SASH1: variants seen among roughly 807,000 people sequenced by gnomAD.
The protein encoded by SASH1 is SAM and SH3 domain-containing protein 1.
Under a neutral mutation model 125.2 loss-of-function variants are expected in SASH1, and 44 were observed. The ratio of observed to expected loss-of-function variants is 0.35; its 90% CI spans 0.28 to 0.45. SASH1 has a LOEUF of 0.45. Ranked by LOEUF, SASH1 falls within the 20% of genes least tolerant of loss-of-function variation. The pLI, the probability that SASH1 is intolerant of heterozygous loss-of-function variation, is 1.00. For synonymous variants in SASH1, 639 were observed against 649.1 expected, an observed-to-expected ratio of 0.98 and a Z score of 0.24; for missense variants, 1,426 against 1,614.5, an observed-to-expected ratio of 0.88 and a Z score of 2.00.
At chr6:148,499,002 T>G (rs542144057) in intron 8 of SASH1, among the ~76,000 whole-genome samples, 1 of 152,218 alleles carries the variant, frequency 6.6e-6, no homozygotes, top group Admixed American at 6.5e-5. Flanking sequence ...TTCACTTGTT[T>G]TGAGTCCATT....
At chr6:148,392,143 G>A (rs985913345) in intron 2 of SASH1, among the ~76,000 whole-genome samples, 2 of 152,048 alleles carry the variant, frequency 1.3e-5, no homozygotes, top group Admixed American at 6.6e-5. Context: ...AAAATTAGCC[G>A]GGCGTGGTGG....
At chr6:148,438,890 A>G (rs1171193406) in intron 2 of SASH1, among the ~76,000 whole-genome samples, 1 of 152,208 alleles carries the variant, frequency 6.6e-6, no homozygotes, top group Non-Finnish European at 1.5e-5. Flanking sequence ...CCTGCATGAA[A>G]GTGCATTCAT....
At chr6:148,267,954 A>G (rs978912392), upstream of SASH1, among the ~76,000 whole-genome samples, 1 of 152,204 alleles carries the variant, frequency 6.6e-6, no homozygotes, top group Non-Finnish European at 1.5e-5. Flanking sequence ...CCCTTGAATC[A>G]TCTCAAAACC....
chr6:148,513,544 G>C, intron 8 of SASH1: 3 of 985,438 alleles, frequency 3.0e-6, no homozygotes, highest in Non-Finnish European at 3.6e-6. Flanking sequence ...CACTGCTGCA[G>C]AGAGAGATAT....
intron 1 of SASH1, among the ~76,000 whole-genome samples, chr6:148,349,879 T>C (rs1423548563): frequency 6.6e-6 from 1 of 151,154 alleles, no homozygotes; most frequent in Admixed American, 6.6e-5. Flanking sequence ...GGAGTCTCGC[T>C]CTGTCGCCCA....
At chr6:148,316,779 G>A (rs531619082) in intron 1 of SASH1, among the ~76,000 whole-genome samples, 1 of 152,316 alleles carries the variant, frequency 6.6e-6, no homozygotes, top group East Asian at 1.9e-4. Context: ...GATGATACAG[G>A]TAGTATTTAT....
intron 2 of SASH1, among the ~76,000 whole-genome samples, chr6:148,421,177 G>GA (rs1785071826): frequency 1.4e-5 from 2 of 144,000 alleles, no homozygotes; most frequent in Non-Finnish European, 3.1e-5. Flanking sequence ...AAGAAAGAAA[G>GA]AAAGAAAGAA....
chr6:148,298,714 A>AAGGAAGG (rs1562312251), intron 1 of SASH1, among the ~76,000 whole-genome samples: 3 of 77,090 alleles, frequency 3.9e-5, no homozygotes, highest in Non-Finnish European at 7.8e-5. Context: ...AGGAAGGAAG[A>AAGGAAGG]AGGAAGGGAA....
At chr6:148,404,111 T>A (rs1263875581) in intron 2 of SASH1, among the ~76,000 whole-genome samples, 1 of 152,226 alleles carries the variant, frequency 6.6e-6, no homozygotes, top group East Asian at 1.9e-4. Flanking sequence ...GATATTTGCA[T>A]TCCTAGACTC....
intron 8 of SASH1, chr6:148,512,346 T>C (rs1780194971): frequency 5.0e-6 from 2 of 401,104 alleles, no homozygotes; most frequent in Non-Finnish European, 6.7e-6. Context: ...CCGTTGATAG[T>C]TATAGAGACT....
intron 1 of SASH1, among the ~76,000 whole-genome samples, chr6:148,298,405 G>A (rs1779821150): frequency 6.6e-6 from 1 of 152,076 alleles, no homozygotes; most frequent in Admixed American, 6.6e-5. Context: ...TGAGGCAGGA[G>A]GATTGCTTGA....
At chr6:148,281,285 G>T (rs996812715) in intron 1 of SASH1, among the ~76,000 whole-genome samples, 1 of 151,896 alleles carries the variant, frequency 6.6e-6, no homozygotes, top group Admixed American at 6.6e-5. Context: ...AGGAACACCA[G>T]CATCCAGGAA....
chr6:148,233,503 G>A, the SASH1 span, among the ~76,000 whole-genome samples: 1 of 152,070 alleles, frequency 6.6e-6, no homozygotes, highest in East Asian at 1.9e-4. Context: ...CCAATCATTG[G>A]TGATACAGGT....
At chr6:148,398,760 A>G (rs540107602) in intron 2 of SASH1, among the ~76,000 whole-genome samples, 132 of 152,276 alleles carry the variant, frequency 8.7e-4, no homozygotes, top group African/African-American at 2.7e-3. Flanking sequence ...GGTGATCAGT[A>G]TCTGTGGGCA....
Position 148,529,165 on chromosome 6 carries a change from G to A in SASH1, c.1428+1569G>A, listed in dbSNP as rs1051824315. Among the ~76,000 whole-genome samples, 12 of 152,112 alleles carry A rather than the reference G, an allele frequency of 7.9e-5. No homozygotes were observed. Among genetic ancestry groups the A allele is most frequent in the Admixed American group, 4.6e-4 (7 of 15,272 alleles). On this transcript the variant is annotated intron_variant, in intron 12 of 19. Transcript: ENST00000367467. This position sits in a 1 kb window ranked among gnomAD's most constrained non-coding sequence, Gnocchi z 4.2. ...ACCCGCCACTCACCTCCTGCTGTAC[G>A]GCCCACTTCTTAACAGGCCACAGAC...
intron 1 of SASH1, among the ~76,000 whole-genome samples, chr6:148,369,963 A>AAAC (rs1782642430): frequency 1.5e-5 from 2 of 135,546 alleles, no homozygotes; most frequent in African/African-American, 5.5e-5. Context: ...AAAAAAAGAA[A>AAAC]AACAAAAAAA....
chr6:148,401,108 G>C (rs1405696235), intron 2 of SASH1, among the ~76,000 whole-genome samples: 1 of 152,080 alleles, frequency 6.6e-6, no homozygotes, highest in Non-Finnish European at 1.5e-5. Flanking sequence ...ACAAAAACGA[G>C]CTGGGAATGG....
the SASH1 span, among the ~76,000 whole-genome samples, chr6:148,256,478 G>C: frequency 1.3e-5 from 2 of 152,034 alleles, no homozygotes; most frequent in Non-Finnish European, 2.9e-5. Context: ...ATCCTTAAAT[G>C]GTAGACTTTG....
At chr6:148,473,438 G>T (rs1778202927) in intron 6 of SASH1, among the ~76,000 whole-genome samples, 1 of 152,086 alleles carries the variant, frequency 6.6e-6, no homozygotes, top group Non-Finnish European at 1.5e-5. Flanking sequence ...ATTTTTAGTG[G>T]AGATGGGGTT....
Sources: allele counts gnomAD v4.1 joint callset (sites outside exome capture counted in the v4.1 genomes callset), GRCh38; gene constraint gnomAD v4.1.1; non-coding constraint Gnocchi (gnomAD v3.1); transcripts MANE v1.5; gene names NCBI Gene and HGNC (gene_info 2026-07-23, HGNC 2026-07-21).